LUZP2: variants seen among roughly 807,000 people sequenced by gnomAD.
LUZP2 encodes leucine zipper protein 2.
LUZP2 carries 52 observed loss-of-function variants against 51.6 expected under a neutral mutation model. The ratio of observed to expected loss-of-function variants is 1.01; its 90% CI spans 0.81 to 1.27. LUZP2 has a LOEUF of 1.27. LUZP2 is among the 50% of genes most tolerant of loss of function. The pLI, the probability that LUZP2 is intolerant of heterozygous loss-of-function variation, is 0.00. For synonymous variants in LUZP2, 154 were observed against 137.3 expected (o/e 1.12, Z -0.85); for missense variants, 436 against 395.4 (o/e 1.10, Z -0.87).
At chr11:24,892,506 C>T (rs1026243849) in intron 5 of LUZP2, 6 of 638,476 alleles carry the variant, frequency 9.4e-6, no homozygotes, top group Non-Finnish European at 9.7e-6. Flanking sequence ...TTCAATAAAG[C>T]GTATATATAA....
At chr11:24,593,905 G>A (rs552060441) in intron 1 of LUZP2, among the ~76,000 whole-genome samples, 24 of 152,110 alleles carry the variant, frequency 1.6e-4, no homozygotes, top group Non-Finnish European at 1.5e-4. Context: ...ATATTGTTGT[G>A]GCCACCTTTG....
At chr11:24,990,222 A>C (rs555257468) in intron 9 of LUZP2, among the ~76,000 whole-genome samples, 2 of 152,200 alleles carry the variant, frequency 1.3e-5, no homozygotes, top group African/African-American at 2.4e-5. Flanking sequence ...AGCATGACTC[A>C]AAAGACTATT....
intron 5 of LUZP2, among the ~76,000 whole-genome samples, chr11:24,836,999 C>G: frequency 6.8e-6 from 1 of 147,364 alleles, no homozygotes; most frequent in East Asian, 2.0e-4. Context: ...CCTTTAAAGT[C>G]TTTCAGTAGG....
intron 1 of LUZP2, among the ~76,000 whole-genome samples, chr11:24,659,360 G>A (rs1163780117): frequency 6.6e-6 from 1 of 152,032 alleles, no homozygotes; most frequent in African/African-American, 2.4e-5. Flanking sequence ...TCATAGGTGG[G>A]AATTGAACAA....
intron 9 of LUZP2, among the ~76,000 whole-genome samples, chr11:25,020,982 A>G (rs1333810987): frequency 1.3e-5 from 2 of 152,100 alleles, no homozygotes; most frequent in Admixed American, 6.6e-5. Context: ...GATTCTGGTG[A>G]CATTACTGAA....
chr11:24,531,787 A>G (rs1396850), intron 1 of LUZP2, among the ~76,000 whole-genome samples: 57,980 of 150,670 alleles, frequency 0.38, 11,907 homozygotes, highest in African/African-American at 0.51. Flanking sequence ...CAAAATATGC[A>G]GCCATTTCAG....
chr11:25,049,324 A>T (rs1341062693), intron 9 of LUZP2, among the ~76,000 whole-genome samples: 2 of 152,200 alleles, frequency 1.3e-5, no homozygotes, highest in Non-Finnish European at 2.9e-5. Flanking sequence ...CCAATATTCA[A>T]ATTAGCTCTT....
intron 9 of LUZP2, among the ~76,000 whole-genome samples, chr11:25,015,426 T>C (rs545085565): frequency 2.0e-5 from 3 of 152,322 alleles, no homozygotes; most frequent in African/African-American, 7.2e-5. Context: ...TTCTTACTAA[T>C]ATCCTTTTCC....
intron 7 of LUZP2, among the ~76,000 whole-genome samples, chr11:24,929,250 T>C (rs1012839773): frequency 3.9e-5 from 6 of 152,146 alleles, no homozygotes; most frequent in Non-Finnish European, 8.8e-5. Flanking sequence ...ATTTCTTTTC[T>C]TCTGCTGGGT....
At chr11:24,787,979 G>A (rs1291977882) in intron 5 of LUZP2, among the ~76,000 whole-genome samples, 3 of 151,618 alleles carry the variant, frequency 2.0e-5, no homozygotes, top group Non-Finnish European at 4.4e-5. Context: ...AATTTCTTTG[G>A]GGCATTGTCC....
chr11:24,722,751 T>C (rs1858325070), intron 1 of LUZP2, among the ~76,000 whole-genome samples: 1 of 151,918 alleles, frequency 6.6e-6, no homozygotes, highest in Non-Finnish European at 1.5e-5. Context: ...AACCCATCTC[T>C]ACTGTAAATA....
At chr11:24,521,114 G>A (rs1850625734) in intron 1 of LUZP2, among the ~76,000 whole-genome samples, 1 of 152,170 alleles carries the variant, frequency 6.6e-6, no homozygotes, top group South Asian at 2.1e-4. Context: ...ACTTTGGGAG[G>A]CCAAGGTGTG....
chr11:24,552,937 AAATG>A (rs1851762444), intron 1 of LUZP2, among the ~76,000 whole-genome samples: 1 of 151,176 alleles, frequency 6.6e-6, no homozygotes, highest in Non-Finnish European at 1.5e-5. Context: ...ATAAATATGA[AAATG>A]AAGGAAAATA....
intron 5 of LUZP2, among the ~76,000 whole-genome samples, chr11:24,828,290 A>G (rs1165792480): frequency 6.6e-6 from 1 of 152,116 alleles, no homozygotes; most frequent in Non-Finnish European, 1.5e-5. Context: ...ATAACACATA[A>G]ATATTACTGG....
chr11:25,059,519 G>A (rs762100122), intron 10 of LUZP2, among the ~76,000 whole-genome samples: 1 of 152,094 alleles, frequency 6.6e-6, no homozygotes, highest in Non-Finnish European at 1.5e-5. Context: ...TGGGATATCT[G>A]CACTGAAGTC....
At chr11:24,907,994 A>C (rs1853511776) in intron 6 of LUZP2, among the ~76,000 whole-genome samples, 1 of 151,716 alleles carries the variant, frequency 6.6e-6, no homozygotes, top group Non-Finnish European at 1.5e-5. Flanking sequence ...AGAGCTTAAC[A>C]TTCTCGGTAA....
chr11:24,906,854 C>T (rs2133789217), intron 6 of LUZP2, among the ~76,000 whole-genome samples: 1 of 152,148 alleles, frequency 6.6e-6, no homozygotes, highest in Middle Eastern at 3.4e-3. Flanking sequence ...TGATGAATGT[C>T]TTATACCTAA....
intron 1 of LUZP2, among the ~76,000 whole-genome samples, chr11:24,514,255 A>G (rs1002918786): frequency 6.6e-6 from 1 of 152,162 alleles, no homozygotes; most frequent in Non-Finnish European, 1.5e-5. Flanking sequence ...AAATTTCAAG[A>G]CAAAGTGGCA....
chr11:24,630,525 T>C (rs952566340), intron 1 of LUZP2, among the ~76,000 whole-genome samples: 1 of 152,056 alleles, frequency 6.6e-6, no homozygotes. Flanking sequence ...TTCTGGGTGC[T>C]ATATTCTGTT....
Sources: allele counts gnomAD v4.1 joint callset (sites outside exome capture counted in the v4.1 genomes callset), GRCh38; gene constraint gnomAD v4.1.1; transcripts MANE v1.5; gene names NCBI Gene and HGNC (gene_info 2026-07-23, HGNC 2026-07-21).